The following CEMIP variants were observed in gnomAD, a reference collection of about 807,000 sequenced individuals.
The protein encoded by CEMIP is cell migration inducing hyaluronidase 1, also known as cell migration-inducing and hyaluronan-binding protein.
Under a neutral mutation model 156.9 loss-of-function variants are expected in CEMIP, and 105 were observed. The observed-to-expected ratio is 0.67, with a 90% CI of 0.57 to 0.79. CEMIP has a LOEUF of 0.79. Among genes scored for constraint, CEMIP ranks in the 30% least tolerant of loss-of-function variants. The probability of loss-of-function intolerance (pLI) is 0.00; values close to 1 mark genes in which losing one functional copy is unlikely to be tolerated. For missense variants in CEMIP, 1,457 were observed against 1,769.4 expected, an observed-to-expected ratio of 0.82 and a Z score of 3.17; for synonymous variants, 676 against 668.4, an observed-to-expected ratio of 1.01 and a Z score of -0.17.
In CEMIP at chr15:80,906,691, G is replaced by A. The variant is rs1490068562; in HGVS notation, c.1440G>A (p.Glu480=). The change falls in exon 13 of 30, where the codon GAG becomes GAA. Residue 480 remains glutamate (E), a synonymous_variant. Transcript: ENST00000394685. This position sits in a 1 kb window ranked among gnomAD's most constrained non-coding sequence, Gnocchi z 4.3. ...AACCAATGTACCTGCACATCGGGGA[G>A]GAGATAGACGGCGTGGACATGCGGG... ...AGKPMYLHIG[E]EIDGVDMRAE... The A allele has an allele frequency of 1.2e-6, 2 of 1,614,144 alleles. No individual in the cohort carries two copies. Among genetic ancestry groups the A allele is most frequent in the Non-Finnish European group, 1.7e-6 (2 of 1,179,978 alleles).
intron 14 of CEMIP, among the ~76,000 whole-genome samples, chr15:80,919,271 C>T (rs1187993677): frequency 6.6e-6 from 1 of 152,174 alleles, no homozygotes; most frequent in Admixed American, 6.5e-5. Flanking sequence ...CCTGCCCCAG[C>T]TCAGGTGCTG....
At chr15:80,811,378 C>T (rs886356406) in intron 1 of CEMIP, among the ~76,000 whole-genome samples, 4 of 152,122 alleles carry the variant, frequency 2.6e-5, no homozygotes, top group Non-Finnish European at 1.5e-5. Context: ...GACTGATGTA[C>T]TGTAGAAATT....
chr15:80,874,826 A>G (rs572756958), intron 3 of CEMIP, among the ~76,000 whole-genome samples: 1 of 152,218 alleles, frequency 6.6e-6, no homozygotes, highest in South Asian at 2.1e-4. Context: ...ATCACCATTG[A>G]TTGCTCTTTT....
Position 80,878,706 on chromosome 15 carries a change from C to T in CEMIP, c.95-15C>T, listed in dbSNP as rs1369846858. The T allele has an allele frequency of 6.2e-7, 1 of 1,614,030 alleles. No individual in the cohort carries two copies. Among genetic ancestry groups the T allele is most frequent in the Non-Finnish European group, 8.5e-7 (1 of 1,180,048 alleles). On this transcript the variant is annotated splice_polypyrimidine_tract_variant and intron_variant, in intron 3 of 29. Coordinates refer to ENST00000394685, the MANE Select transcript of CEMIP (RefSeq NM_001293298.2). ...CTGGTAGATGGGAGCAGTGACATCT[C>T]TCTGTCCTTGGCAGTGGCTGCTGGG...
intron 1 of CEMIP, among the ~76,000 whole-genome samples, chr15:80,863,330 C>A (rs1898034454): frequency 6.6e-6 from 1 of 152,194 alleles, no homozygotes; most frequent in South Asian, 2.1e-4. Context: ...TAGCCAGATT[C>A]ATTTGGCAAA....
intron 1 of CEMIP, among the ~76,000 whole-genome samples, chr15:80,802,750 G>C (rs904376540): frequency 1.1e-4 from 16 of 152,198 alleles, no homozygotes; most frequent in Non-Finnish European, 1.5e-5. Context: ...AATGGCTTTG[G>C]ACTTAGAGGT....
chr15:80,867,305 T>A lies in CEMIP; in HGVS notation c.-175-6233T>A, dbSNP rs531912026. Among the ~76,000 whole-genome samples the A allele has an allele frequency of 2.4e-3, 362 of 152,352 alleles. 1 individual carries two copies. Among genetic ancestry groups the A allele is most frequent in the Non-Finnish European group, 4.1e-3 (282 of 68,032 alleles). On this transcript the variant is annotated intron_variant, in intron 1 of 29. Coordinates refer to ENST00000394685, the MANE Select transcript of CEMIP (RefSeq NM_001293298.2). ...ATAGGTGTCTTATTTCAGCTCCTAC[T>A]GTCTGTGAGCCTGAAGCTAAACTGC... is the stretch of plus-strand genomic sequence containing the variant.
rs199860727 is a variant in CEMIP at position 80,921,939 on chromosome 15, G to A, written c.2074-70G>A. ...TAGACCCATCTCCGGCGTGGGCCGC[G>A]TGGCCACCTTGCCCAGGAGCTCTCT... On this transcript the variant is annotated intron_variant, in intron 16 of 29. Coordinates refer to ENST00000394685, the MANE Select transcript of CEMIP (RefSeq NM_001293298.2). 1,063 of 1,608,660 alleles carry A rather than the reference G, an allele frequency of 6.6e-4. 5 individuals carry two copies. Among genetic ancestry groups the A allele is most frequent in the Admixed American group, 1.3e-3 (77 of 59,938 alleles).
intron 1 of CEMIP, among the ~76,000 whole-genome samples, chr15:80,793,146 CAT>C (rs574614261): frequency 7.4e-4 from 112 of 152,290 alleles, no homozygotes; most frequent in Non-Finnish European, 1.4e-3. Flanking sequence ...TTGAGATTGA[CAT>C]GGGTGGCAGC....
chr15:80,832,129 G>A (rs569132272), intron 1 of CEMIP, among the ~76,000 whole-genome samples: 3 of 152,286 alleles, frequency 2.0e-5, no homozygotes, highest in South Asian at 2.1e-4. Flanking sequence ...CTTCCAAGTC[G>A]GCTGGCCTGC....
chr15:80,877,834 A>C (rs1297228459), intron 3 of CEMIP, among the ~76,000 whole-genome samples: 1 of 152,014 alleles, frequency 6.6e-6, no homozygotes, highest in Non-Finnish European at 1.5e-5. Context: ...TGGTCCTCAG[A>C]CTCCTTTGGA....
In CEMIP at chr15:80,943,049, T is replaced by C. The variant is rs1901405264; in HGVS notation, c.3804T>C (p.Ile1268=). 1 of 1,614,174 alleles carries C rather than the reference T, an allele frequency of 6.2e-7. No individual in the cohort carries two copies. Among genetic ancestry groups the C allele is most frequent in the Non-Finnish European group, 8.5e-7 (1 of 1,180,032 alleles). ...GCCACACGAGCTTCAGGAACTCCATTCTGCAAGGCATACCATGGCAGCTTT... is the reference window on the plus strand; with the variant it reads ...GCCACACGAGCTTCAGGAACTCCATCCTGCAAGGCATACCATGGCAGCTTT... The part of the protein sequence containing the change: ...VVSHTSFRNS[I]LQGIPWQLFN... Residue 1268 remains isoleucine, a synonymous_variant, in exon 28 of 30, where the codon ATT becomes ATC. Coordinates refer to ENST00000394685, the MANE Select transcript of CEMIP (RefSeq NM_001293298.2).
Position 80,922,148 on chromosome 15 carries a change from C to T in CEMIP, c.2202+11C>T, listed in dbSNP as rs1248921084. 6.2e-7 allele frequency: 1 copy of T among 1,613,994 alleles called. No individual in the cohort carries two copies. Among genetic ancestry groups the T allele is most frequent in the Admixed American group, 1.7e-5 (1 of 60,032 alleles). ...CATTCCAACTACCGGGTAAGTCTTT[C>T]CAGGCTGCGCCTCTCTGGCCAGCCT... On this transcript the variant is annotated intron_variant, in intron 17 of 29. Coordinates refer to ENST00000394685, the MANE Select transcript of CEMIP (RefSeq NM_001293298.2).
chr15:80,799,545 T>C (rs572170560), intron 1 of CEMIP, among the ~76,000 whole-genome samples: 1 of 152,354 alleles, frequency 6.6e-6, no homozygotes, highest in Non-Finnish European at 1.5e-5. Flanking sequence ...AGAACTACCC[T>C]GCACAATCCT....
At chr15:80,858,766 CT>C (rs1897915165) in intron 1 of CEMIP, among the ~76,000 whole-genome samples, 1 of 152,154 alleles carries the variant, frequency 6.6e-6, no homozygotes, top group African/African-American at 2.4e-5. Context: ...ATCTTTCCTT[CT>C]CCTTTTGGCT....
chr15:80,925,819 TAC>T, intron 19 of CEMIP, 64 bp downstream of exon 19: 1 of 1,574,804 alleles, frequency 6.3e-7, no homozygotes, highest in Non-Finnish European at 8.6e-7. Flanking sequence ...CCTAGCCCCC[TAC>T]AGAGACAGGA....
At chr15:80,882,208 A>T (rs1426038592) in intron 6 of CEMIP, among the ~76,000 whole-genome samples, 1 of 152,224 alleles carries the variant, frequency 6.6e-6, no homozygotes, top group Non-Finnish European at 1.5e-5. Flanking sequence ...TTGCCGGTAA[A>T]CATTAGTACC....
chr15:80,893,470 C>T (rs971784777), intron 10 of CEMIP, among the ~76,000 whole-genome samples: 1 of 152,164 alleles, frequency 6.6e-6, no homozygotes, highest in African/African-American at 2.4e-5. Flanking sequence ...TGGAAAAAAT[C>T]TCCAGCCCCC....
At chr15:80,938,590 G>A (rs1254317190) in intron 25 of CEMIP, among the ~76,000 whole-genome samples, 1 of 152,168 alleles carries the variant, frequency 6.6e-6, no homozygotes. Flanking sequence ...GGGTGACAGA[G>A]AGAGTGAGAG....
Sources: allele counts gnomAD v4.1 joint callset (sites outside exome capture counted in the v4.1 genomes callset), GRCh38; gene constraint gnomAD v4.1.1; non-coding constraint Gnocchi (gnomAD v3.1); transcripts MANE v1.5; gene names NCBI Gene and HGNC (gene_info 2026-07-23, HGNC 2026-07-21).